TTC28: variants seen among roughly 807,000 people sequenced by gnomAD.
The protein encoded by TTC28 is tetratricopeptide repeat domain 28, also known as tetratricopeptide repeat protein 28.
In TTC28, 61 loss-of-function variants were observed where a neutral mutation model predicts 198.0. The ratio of observed to expected loss-of-function variants is 0.31; its 90% CI spans 0.25 to 0.38. TTC28 has a LOEUF of 0.38. TTC28 is among the 10% of genes least tolerant of loss of function. The pLI is 1.00. For missense variants in TTC28, 2,678 were observed against 3,164.0 expected (o/e 0.85, Z 3.69); for synonymous variants, 1,171 against 1,297.8 (o/e 0.90, Z 2.10).
intron 6 of TTC28, among the ~76,000 whole-genome samples, chr22:28,138,909 A>G (rs1037701609): frequency 3.9e-5 from 6 of 152,248 alleles, no homozygotes; most frequent in African/African-American, 1.2e-4. Flanking sequence ...TGAATAGAGA[A>G]TAACAATGAC....
rs746451774 is a variant in TTC28 at position 28,421,387 on chromosome 22, T to C, written c.382-114744A>G. On this transcript the variant is annotated intron_variant, in intron 2 of 22. Coordinates refer to ENST00000397906, the MANE Select transcript of TTC28 (RefSeq NM_001145418.2). ...TTTACAAAGAATTGTTCTGATTCCA[T>C]TTATATGGTAATTAATTGACTTTTT... 2.9e-4 allele frequency among the ~76,000 whole-genome samples: 44 copies of C among 152,348 alleles called. No individual in the cohort carries two copies. In the Middle Eastern group the frequency reaches 0.01, roughly 35 times the overall value.
chr22:28,657,343 T>C (rs1287374280), intron 1 of TTC28, among the ~76,000 whole-genome samples: 1 of 152,234 alleles, frequency 6.6e-6, no homozygotes, highest in African/African-American at 2.4e-5. Context: ...AAATTTCATA[T>C]CTGGATTTGT....
chr22:28,107,591 ATCT>A lies in TTC28; in HGVS notation c.2251_2253del (p.Arg751del). On this transcript the variant is annotated inframe_deletion, in exon 7 of 23. Coordinates refer to ENST00000397906, the MANE Select transcript of TTC28 (RefSeq NM_001145418.2). ...AGGGCTGCATATGCACTGGCTTCTA[ATCT>A]TCTGTCCTTTACCTGGTGAGCTAAG... is the stretch of plus-strand genomic sequence containing the variant. 1 of 1,551,624 alleles carries A rather than the reference ATCT, an allele frequency of 6.4e-7. No individual in the cohort carries two copies. The highest frequency in any genetic ancestry group is 2.4e-5 in the East Asian group (1 of 40,924).
chr22:28,482,504 G>A (rs141816704), intron 2 of TTC28, among the ~76,000 whole-genome samples: 89 of 151,762 alleles, frequency 5.9e-4, no homozygotes, highest in African/African-American at 2.2e-3. Context: ...CACCGCGCCC[G>A]GCCAGTAATG....
At chr22:28,618,663 C>G (rs1359295647) in intron 2 of TTC28, among the ~76,000 whole-genome samples, 5 of 121,068 alleles carry the variant, frequency 4.1e-5, no homozygotes, top group African/African-American at 1.6e-4. Context: ...GCCTGGGTGA[C>G]AGAGCAAGAC....
At chr22:28,238,919 A>C (rs1203798925) in intron 5 of TTC28, among the ~76,000 whole-genome samples, 1 of 152,124 alleles carries the variant, frequency 6.6e-6, no homozygotes, top group Non-Finnish European at 1.5e-5. Flanking sequence ...CAGACTCCCC[A>C]AACTAATATG....
chr22:28,128,601 A>C (rs1942976097), intron 6 of TTC28, among the ~76,000 whole-genome samples: 1 of 152,002 alleles, frequency 6.6e-6, no homozygotes, highest in African/African-American at 2.4e-5. Context: ...ACAGTGGCTC[A>C]ATCTCGGTTC....
At chr22:28,647,367 A>G (rs2146254090) in intron 1 of TTC28, among the ~76,000 whole-genome samples, 1 of 152,310 alleles carries the variant, frequency 6.6e-6, no homozygotes, top group East Asian at 1.9e-4. Flanking sequence ...AAAGCAACAA[A>G]GACAAAAATA....
At chr22:28,240,462 T>C (rs1046092277) in intron 5 of TTC28, among the ~76,000 whole-genome samples, 4 of 152,206 alleles carry the variant, frequency 2.6e-5, no homozygotes, top group Non-Finnish European at 5.9e-5. Context: ...ATAAATGGTG[T>C]ATACATACAT....
At chr22:28,049,047 A>G (rs1403348610) in intron 12 of TTC28, among the ~76,000 whole-genome samples, 1 of 152,154 alleles carries the variant, frequency 6.6e-6, no homozygotes, top group Non-Finnish European at 1.5e-5. Flanking sequence ...CAGTCTGCCC[A>G]TCTTTGCCCC....
intron 5 of TTC28, among the ~76,000 whole-genome samples, chr22:28,268,876 G>C (rs1931855625): frequency 1.3e-5 from 2 of 152,046 alleles, no homozygotes; most frequent in African/African-American, 4.8e-5. Flanking sequence ...TTCTATTTTG[G>C]TGAGAAAGAG....
chr22:28,180,731 T>G (rs1923616190), intron 5 of TTC28, among the ~76,000 whole-genome samples: 1 of 152,178 alleles, frequency 6.6e-6, no homozygotes, highest in African/African-American at 2.4e-5. Context: ...AGAATCTTGG[T>G]AGGGAAAAAA....
intron 13 of TTC28, among the ~76,000 whole-genome samples, chr22:28,025,951 G>A (rs1399589066): frequency 1.3e-5 from 2 of 152,234 alleles, no homozygotes; most frequent in Non-Finnish European, 1.5e-5. Context: ...TCAGCTTACC[G>A]GCCAGGCTGG....
intron 2 of TTC28, among the ~76,000 whole-genome samples, chr22:28,479,791 C>T (rs2146319246): frequency 6.6e-6 from 1 of 152,236 alleles, no homozygotes; most frequent in East Asian, 1.9e-4. Context: ...TTCATCTTTG[C>T]CATTCTACCA....
chr22:28,442,343 G>C (rs2047636737), intron 2 of TTC28, among the ~76,000 whole-genome samples: 1 of 152,220 alleles, frequency 6.6e-6, no homozygotes, highest in Admixed American at 6.5e-5. Context: ...AGCCCCAGGC[G>C]CTCAGGCAGG....
intron 1 of TTC28, among the ~76,000 whole-genome samples, chr22:28,646,589 G>A (rs1004361007): frequency 1.3e-5 from 2 of 152,198 alleles, no homozygotes; most frequent in African/African-American, 4.8e-5. Context: ...AGAGGGCCAG[G>A]TGTGGTGGCT....
chr22:28,063,741 C>T (rs1005958164), intron 12 of TTC28, among the ~76,000 whole-genome samples: 3 of 152,150 alleles, frequency 2.0e-5, no homozygotes, highest in African/African-American at 7.2e-5. Flanking sequence ...ACACGCATAA[C>T]ACAGTCCAGG....
intron 5 of TTC28, among the ~76,000 whole-genome samples, chr22:28,178,703 T>G (rs1321725088): frequency 1.3e-5 from 2 of 152,246 alleles, no homozygotes; most frequent in Non-Finnish European, 2.9e-5. Context: ...GTCCACCAGT[T>G]TGTAAAATCT....
intron 12 of TTC28, among the ~76,000 whole-genome samples, chr22:28,081,493 A>ATTTT (rs35534789): frequency 8.0e-6 from 1 of 125,536 alleles, no homozygotes. Context: ...TGCCACCAGG[A>ATTTT]TTTTTTTTTT....
Sources: gnomAD v4.1 joint callset for allele counts (sites outside exome capture counted in the v4.1 genomes callset) on GRCh38, gnomAD v4.1.1 for gene constraint, MANE v1.5 for transcripts, NCBI Gene and HGNC (gene_info 2026-07-23, HGNC 2026-07-21) for gene names.